CFAP45: variants seen among roughly 807,000 people sequenced by gnomAD.
The protein encoded by CFAP45 is cilia- and flagella-associated protein 45.
CFAP45 carries 43 observed loss-of-function variants against 75.6 expected under a neutral mutation model. The observed-to-expected ratio is 0.57, with a 90% confidence interval of 0.45 to 0.73. CFAP45 has a LOEUF of 0.73. Among genes scored for constraint, CFAP45 ranks in the 30% least tolerant of loss-of-function variants. CFAP45 has a pLI of 0.00. For synonymous variants in CFAP45, 223 were observed against 244.6 expected, an observed-to-expected ratio of 0.91 and a Z score of 0.82; for missense variants, 689 against 701.5, an observed-to-expected ratio of 0.98 and a Z score of 0.20.
chr1:159,884,694 T>C (rs1649634410), intron 6 of CFAP45, 129 bp from the exon 7 acceptor site: 1 of 936,004 alleles, frequency 1.1e-6, no homozygotes, highest in Non-Finnish European at 1.6e-6. Flanking sequence ...CCCCTAAACA[T>C]GAATATGCTT....
chr1:159,877,115 T>C (rs981412854), intron 9 of CFAP45, among the ~76,000 whole-genome samples: 25 of 152,184 alleles, frequency 1.6e-4, no homozygotes, highest in Non-Finnish European at 8.8e-5. Context: ...AAGTTCTTCT[T>C]TATGGAGCAG....
rs1649319668 is a variant in CFAP45, at chr1:159,873,108, G to A, written c.1413C>T (p.Arg471=). 6.2e-7 allele frequency: 1 copy of A among 1,614,184 alleles called. No individual in the cohort carries two copies. Among genetic ancestry groups the A allele is most frequent in the African/African-American group, 1.3e-5 (1 of 75,056 alleles). The change falls in exon 11 of 12, where the codon CGC becomes CGT. Residue 471 remains arginine (R), a synonymous_variant. Coordinates refer to ENST00000368099, the MANE Select transcript of CFAP45 (RefSeq NM_012337.3). ...RLEEEKKATG[R]LQHANELRRQ... ...GCCGGAGCTCATTGGCATGCTGTAA[G>A]CGCCCTGTGGCCTTTTTCTCCTCCT...
At chr1:159,872,658 G>C (rs1357339735) in intron 11 of CFAP45, 95 bp from the exon 12 acceptor site, 1 of 1,097,274 alleles carries the variant, frequency 9.1e-7, no homozygotes, top group Admixed American at 1.8e-5. Context: ...AGAACCTGGG[G>C]GCCTGCACCC....
chr1:159,884,256 C>T (rs557980252), intron 7 of CFAP45, among the ~76,000 whole-genome samples, 180 bp downstream of exon 7: 48 of 152,294 alleles, frequency 3.2e-4, no homozygotes, highest in South Asian at 2.1e-3. Context: ...CTGCTCATCC[C>T]GCAGCGTGAC....
intron 5 of CFAP45, among the ~76,000 whole-genome samples, chr1:159,887,137 C>T (rs910155478): frequency 1.3e-5 from 2 of 152,170 alleles, no homozygotes; most frequent in Non-Finnish European, 2.9e-5. Flanking sequence ...GACACTCTTG[C>T]AGAGGCCAGG....
At chr1:159,873,816 T>C (rs11265290) in intron 10 of CFAP45, among the ~76,000 whole-genome samples, 88,539 of 151,236 alleles carry the variant, frequency 0.59, 27,602 homozygotes, top group East Asian at 0.76. Context: ...CAGCTTATCC[T>C]GAGATTTCTT....
At chr1:159,878,433 C>G (rs1476859157) in intron 8 of CFAP45, among the ~76,000 whole-genome samples, 1 of 152,060 alleles carries the variant, frequency 6.6e-6, no homozygotes, top group Non-Finnish European at 1.5e-5. Flanking sequence ...ATGAATGGTG[C>G]AGGTTGGAGG....
chr1:159,880,498 C>T, intron 8 of CFAP45, 56 bp downstream of exon 8: 1 of 1,534,470 alleles, frequency 6.5e-7, no homozygotes, highest in Non-Finnish European at 8.9e-7. Flanking sequence ...AGGCCCTCCT[C>T]TCCCTGTGAC....
In CFAP45 at chr1:159,882,257, C is replaced by T. The variant is rs1649566408; in HGVS notation, c.898-1557G>A. Among the ~76,000 whole-genome samples, 3 of 152,270 alleles carry T rather than the reference C, an allele frequency of 2.0e-5. No homozygotes were observed. In the South Asian group the frequency reaches 6.2e-4, roughly 32 times the overall value. The stretch of plus-strand genomic sequence containing the variant: ...TCCTTTTCCCCCTTCTCCCTTTCTT[C>T]CTTTCCTTCCTAACTGCTTCTCACT... On this transcript the variant is annotated intron_variant, in intron 7 of 11. Transcript: ENST00000368099.
At chr1:159,890,948 G>T (rs1481368217) in intron 2 of CFAP45, among the ~76,000 whole-genome samples, 1 of 151,732 alleles carries the variant, frequency 6.6e-6, no homozygotes, top group Non-Finnish European at 1.5e-5. Context: ...TAGTAGAGTC[G>T]GGGTTTCTCC....
chr1:159,872,622 G>A, intron 11 of CFAP45, 59 bp from the exon 12 acceptor site: 1 of 1,462,650 alleles, frequency 6.8e-7, no homozygotes, highest in Non-Finnish European at 9.6e-7. Flanking sequence ...GGAGGTGGGA[G>A]GAAGCAGGCT....
intron 8 of CFAP45, among the ~76,000 whole-genome samples, chr1:159,880,302 T>A (rs1387605448): frequency 6.6e-6 from 1 of 152,216 alleles, no homozygotes; most frequent in Non-Finnish European, 1.5e-5. Context: ...ATGGCCCTCA[T>A]CCCAACTTCT....
At chr1:159,888,528 G>A (rs1419547158) in intron 3 of CFAP45, 32 bp from the exon 4 acceptor site, 1 of 1,607,332 alleles carries the variant, frequency 6.2e-7, no homozygotes, top group East Asian at 2.2e-5. Flanking sequence ...TTAGGGAGGG[G>A]AGAGGGAAAG....
chr1:159,881,449 T>G (rs1649548529), intron 7 of CFAP45, among the ~76,000 whole-genome samples: 1 of 152,250 alleles, frequency 6.6e-6, no homozygotes, highest in African/African-American at 2.4e-5. Flanking sequence ...GATCATACAC[T>G]GCCTTGCAGG....
In CFAP45 at chr1:159,873,365, C is replaced by A. The variant is rs1010157853; in HGVS notation, c.1353-197G>T. On this transcript the variant is annotated intron_variant, in intron 10 of 11. Transcript: ENST00000368099. The stretch of plus-strand genomic sequence containing the variant: ...CACATGCATGCCCCCTTCTCCTACC[C>A]AGCCAGGACTAGCTCCAGGGTCGCA... 21 of 598,806 alleles carry A rather than the reference C, an allele frequency of 3.5e-5. No homozygotes were observed. In the South Asian group the frequency reaches 4.1e-4, roughly 12 times the overall value. The allele number at this position is 598,806 out of a possible 1,614,324, so 37.1% of individuals were successfully genotyped here.
intron 2 of CFAP45, among the ~76,000 whole-genome samples, chr1:159,892,462 C>A (rs1649851618): frequency 6.6e-6 from 1 of 152,168 alleles, no homozygotes; most frequent in Non-Finnish European, 1.5e-5. Context: ...CAGACATCAA[C>A]ACTCCTCTCC....
chr1:159,884,200 T>C (rs181835737), intron 7 of CFAP45, among the ~76,000 whole-genome samples: 4 of 152,328 alleles, frequency 2.6e-5, no homozygotes, highest in Admixed American at 1.3e-4. Flanking sequence ...ATGTCAGTCT[T>C]GGACCTCAAG....
chr1:159,877,222 C>T, intron 9 of CFAP45, 127 bp downstream of exon 9: 1 of 771,244 alleles, frequency 1.3e-6, no homozygotes. Context: ...TCTCAGACTA[C>T]TGAAGTCTAG....
At chr1:159,896,824 C>A (rs1649961630) in intron 1 of CFAP45, among the ~76,000 whole-genome samples, 1 of 152,194 alleles carries the variant, frequency 6.6e-6, no homozygotes, top group Non-Finnish European at 1.5e-5. Flanking sequence ...ACTCCTGGAG[C>A]ACAAGAATTC....
Sources: gnomAD v4.1 joint callset for allele counts (sites outside exome capture counted in the v4.1 genomes callset) on GRCh38, gnomAD v4.1.1 for gene constraint, MANE v1.5 for transcripts, NCBI Gene and HGNC (gene_info 2026-07-23, HGNC 2026-07-21) for gene names.